The following INTS6 variants were observed in gnomAD, a reference collection of about 807,000 sequenced individuals.
The protein encoded by INTS6 is integrator complex subunit 6, also known as DEAD box protein.
Under a neutral mutation model 104.9 loss-of-function variants are expected in INTS6, and 16 were observed. That is an observed-to-expected ratio of 0.15 (90% CI 0.10 to 0.23). INTS6 has a LOEUF of 0.23. Ranked by LOEUF, INTS6 falls within the 10% of genes least tolerant of loss-of-function variation. The pLI is 1.00. For missense variants in INTS6, 584 were observed against 1,062.8 expected, an observed-to-expected ratio of 0.55 and a Z score of 6.26; for synonymous variants, 324 against 358.7, an observed-to-expected ratio of 0.90 and a Z score of 1.09.
intron 10 of INTS6, among the ~76,000 whole-genome samples, 177 bp downstream of exon 10, chr13:51,381,852 G>A (rs1053382308): frequency 1.3e-5 from 2 of 151,854 alleles, no homozygotes; most frequent in Admixed American, 6.6e-5. Flanking sequence ...ACAGGCGCCC[G>A]CCACCACGCC....
intron 3 of INTS6, chr13:51,437,276 A>AC (rs1445727222): frequency 6.6e-6 from 1 of 152,226 alleles, no homozygotes; most frequent in East Asian, 1.9e-4. Context: ...CTCCTTGAGT[A>AC]GACTGCTACA....
chr13:51,401,486 A>G (rs1956438986), intron 4 of INTS6, among the ~76,000 whole-genome samples: 1 of 152,196 alleles, frequency 6.6e-6, no homozygotes, highest in Non-Finnish European at 1.5e-5. Context: ...TAAGAGTTTC[A>G]TAAGAGCTGT....
At chr13:51,431,077 A>G (rs1957082212) in intron 3 of INTS6, among the ~76,000 whole-genome samples, 1 of 152,228 alleles carries the variant, frequency 6.6e-6, no homozygotes, top group African/African-American at 2.4e-5. Context: ...GATAACTTCA[A>G]TAGCTTCCAT....
At chr13:51,381,701 G>GTTT (rs57189672) in intron 10 of INTS6, among the ~76,000 whole-genome samples, 4 of 143,502 alleles carry the variant, frequency 2.8e-5, no homozygotes, top group Non-Finnish European at 4.5e-5. Context: ...CAAGTTTTTT[G>GTTT]TTTTTTTTTT....
chr13:51,415,046 T>C (rs1461426130), intron 4 of INTS6, among the ~76,000 whole-genome samples: 1 of 151,722 alleles, frequency 6.6e-6, no homozygotes, highest in Admixed American at 6.6e-5. Context: ...CTGCCTATCC[T>C]AGAATATATA....
chr13:51,438,168 A>C (rs1217853425), intron 3 of INTS6: 1 of 152,220 alleles, frequency 6.6e-6, no homozygotes, highest in African/African-American at 2.4e-5. Context: ...TAAATCCATT[A>C]CACAGTACAT....
At chr13:51,388,258 C>G (rs549811796) in intron 6 of INTS6, among the ~76,000 whole-genome samples, 1 of 151,778 alleles carries the variant, frequency 6.6e-6, no homozygotes, top group South Asian at 2.1e-4. Context: ...CCTCTCAGTG[C>G]CCCCATTCTT....
chr13:51,373,630 C>T (rs964249567), intron 15 of INTS6, among the ~76,000 whole-genome samples: 5 of 152,210 alleles, frequency 3.3e-5, no homozygotes, highest in African/African-American at 1.2e-4. Flanking sequence ...TACTATTGCT[C>T]CAGCATAAGC....
At chr13:51,426,882 G>A (rs1332821092) in intron 4 of INTS6, among the ~76,000 whole-genome samples, 1 of 152,100 alleles carries the variant, frequency 6.6e-6, no homozygotes, top group East Asian at 1.9e-4. Context: ...CACTGGTCTG[G>A]AGGTGCTGGA....
At chr13:51,378,136 T>C in intron 12 of INTS6, 103 bp downstream of exon 12, 1 of 845,516 alleles carries the variant, frequency 1.2e-6, no homozygotes, top group Non-Finnish European at 2.0e-6. Flanking sequence ...AGAAGTACTC[T>C]TTAAAGTCTG....
At chr13:51,340,931 TA>T in the INTS6 span, 1 of 726,268 alleles carries the variant, frequency 1.4e-6, no homozygotes, top group Non-Finnish European at 2.2e-6. Context: ...TCAGGGTAGG[TA>T]ACCAAGACAG....
chr13:51,446,155 T>G (rs1425695921), intron 3 of INTS6: 1 of 152,122 alleles, frequency 6.6e-6, no homozygotes, highest in Non-Finnish European at 1.5e-5. Flanking sequence ...AGAAAATATT[T>G]GCAAATCATT....
chr13:51,413,354 C>G (rs555478289), intron 4 of INTS6, among the ~76,000 whole-genome samples: 1 of 152,238 alleles, frequency 6.6e-6, no homozygotes, highest in South Asian at 2.1e-4. Context: ...ACAAGTGTCT[C>G]TAAGTCTTCT....
intron 4 of INTS6, among the ~76,000 whole-genome samples, chr13:51,426,283 G>A (rs1425936166): frequency 6.6e-6 from 1 of 151,964 alleles, no homozygotes; most frequent in East Asian, 1.9e-4. Context: ...ATAAGAAATT[G>A]GTTCATTTGG....
intron 3 of INTS6, chr13:51,444,358 G>A (rs1330186148): frequency 1.4e-5 from 2 of 142,578 alleles, no homozygotes; most frequent in Non-Finnish European, 3.0e-5. Flanking sequence ...ACCTGCTTTA[G>A]CCTCCCAAAG....
chr13:51,402,638 A>G (rs1956459254), intron 4 of INTS6: 1 of 152,198 alleles, frequency 6.6e-6, no homozygotes, highest in South Asian at 2.1e-4. Flanking sequence ...ATCTTACGTC[A>G]TCATCTTCGT....
chr13:51,381,734 T>A (rs1956053704), intron 10 of INTS6, among the ~76,000 whole-genome samples: 2 of 152,048 alleles, frequency 1.3e-5, no homozygotes, highest in South Asian at 4.2e-4. Context: ...GTTTCGCTCT[T>A]GTTGCCCAGG....
chr13:51,382,227 G>A, intron 9 of INTS6, 104 bp from the exon 10 acceptor site: 1 of 553,526 alleles, frequency 1.8e-6, no homozygotes, highest in Admixed American at 3.6e-5. Flanking sequence ...TTATTTTTGA[G>A]AGAGTAACAT....
chr13:51,386,281 A>C (rs1202131416), intron 7 of INTS6, among the ~76,000 whole-genome samples: 2 of 152,186 alleles, frequency 1.3e-5, no homozygotes, highest in African/African-American at 4.8e-5. Flanking sequence ...CAGGTACTGT[A>C]TGTTCTCCTG....
Sources: gnomAD v4.1 joint callset for allele counts (sites outside exome capture counted in the v4.1 genomes callset) on GRCh38, gnomAD v4.1.1 for gene constraint, MANE v1.5 for transcripts, NCBI Gene and HGNC (gene_info 2026-07-23, HGNC 2026-07-21) for gene names.